Variants in TMEM131L observed in about 807,000 individuals in gnomAD.
TMEM131L encodes transmembrane 131 like.
In TMEM131L, 54 loss-of-function variants were observed where a neutral mutation model predicts 192.2. The observed-to-expected ratio is 0.28, with a 90% CI of 0.23 to 0.35. The LOEUF (loss-of-function observed/expected upper bound fraction) is 0.35. Ranked by LOEUF, TMEM131L falls within the 10% of genes least tolerant of loss-of-function variation. The pLI is 1.00. For missense variants in TMEM131L, 1,888 were observed against 1,972.9 expected, an observed-to-expected ratio of 0.96 and a Z score of 0.82; for synonymous variants, 701 against 704.9, an observed-to-expected ratio of 0.99 and a Z score of 0.09.
rs1184807852 is a variant in TMEM131L, at chr4:153,558,387, CT to C, written c.660+22del. On this transcript the variant is annotated intron_variant, in intron 7 of 34. Coordinates refer to ENST00000409959, the MANE Select transcript of TMEM131L (RefSeq NM_001131007.2). ...AATGCAGGTCATTTTAATAGATTTA[CT>C]TTGAATGCTGGTGGCCACCAAACTT... 1 of 1,448,812 alleles carries C rather than the reference CT, an allele frequency of 6.9e-7. No homozygotes were observed. Among genetic ancestry groups the C allele is most frequent in the Non-Finnish European group, 9.6e-7 (1 of 1,037,738 alleles). 89.7% of individuals were successfully genotyped at this position (1,448,812 alleles called of 1,614,324 possible).
At chr4:153,492,673 G>A (rs1257276013) in intron 3 of TMEM131L, among the ~76,000 whole-genome samples, 3 of 152,228 alleles carry the variant, frequency 2.0e-5, no homozygotes, top group Non-Finnish European at 4.4e-5. Flanking sequence ...TGCTCTGAAG[G>A]AATGTATATA....
chr4:153,520,993 T>C (rs1347086443), intron 3 of TMEM131L, among the ~76,000 whole-genome samples: 1 of 152,190 alleles, frequency 6.6e-6, no homozygotes, highest in African/African-American at 2.4e-5. Flanking sequence ...TGAAGTGACT[T>C]GCAGTCCTCC....
chr4:153,604,465 G>T (rs750674916), intron 25 of TMEM131L, 35 bp downstream of exon 25: 12 of 1,546,476 alleles, frequency 7.8e-6, no homozygotes, highest in African/African-American at 1.4e-5. Context: ...ATTCTCTCCT[G>T]TTTGTACCCA....
At chr4:153,573,193 G>A (rs540305240) in intron 7 of TMEM131L, among the ~76,000 whole-genome samples, 20 of 152,206 alleles carry the variant, frequency 1.3e-4, no homozygotes, top group Non-Finnish European at 2.9e-4. Context: ...GCCTAGAAAT[G>A]GAATTGGTAA....
chr4:153,572,582 C>T (rs527402696), intron 7 of TMEM131L, among the ~76,000 whole-genome samples: 3 of 152,282 alleles, frequency 2.0e-5, no homozygotes, highest in African/African-American at 7.2e-5. Context: ...CCACCTGCCT[C>T]AGCCTCCCAA....
In TMEM131L at chr4:153,491,700, G is replaced by A. The variant is rs562706743; in HGVS notation, c.239+17812G>A. Among the ~76,000 whole-genome samples, 23 of 151,742 alleles carry A rather than the reference G, an allele frequency of 1.5e-4. No individual in the cohort carries two copies. The South Asian group carries it at 4.4e-3, about 29-fold the overall frequency. ...TTAGTAGTACTTTTTTAGAGTGTGGGTTTTTTCTTTTCTTTTCTGTTTTTG... is the reference window on the plus strand; with the variant it reads ...TTAGTAGTACTTTTTTAGAGTGTGGATTTTTTCTTTTCTTTTCTGTTTTTG... On this transcript the variant is annotated intron_variant, in intron 3 of 34. Transcript: ENST00000409959.
chr4:153,487,508 CA>C (rs1329893031), intron 3 of TMEM131L, among the ~76,000 whole-genome samples: 1 of 152,004 alleles, frequency 6.6e-6, no homozygotes, highest in Non-Finnish European at 1.5e-5. Flanking sequence ...GGTCAGCTTC[CA>C]GGGGAGGACT....
At chr4:153,515,144 G>T (rs1200031569) in intron 3 of TMEM131L, among the ~76,000 whole-genome samples, 12 of 152,172 alleles carry the variant, frequency 7.9e-5, no homozygotes, top group African/African-American at 7.2e-5. Flanking sequence ...CAATTCAGTG[G>T]TTTTTAATAT....
chr4:153,557,203 A>G, intron 6 of TMEM131L, 121 bp downstream of exon 6: 1 of 647,472 alleles, frequency 1.5e-6, no homozygotes. Flanking sequence ...TTAAAATACA[A>G]GACTGTTAGT....
intron 7 of TMEM131L, among the ~76,000 whole-genome samples, chr4:153,563,007 T>C (rs570578434): frequency 3.3e-5 from 5 of 152,376 alleles, no homozygotes; most frequent in African/African-American, 1.2e-4. Context: ...ATTATATGTT[T>C]GGGTCTGCCT....
At chr4:153,615,225 C>T (rs1732895815) in intron 26 of TMEM131L, among the ~76,000 whole-genome samples, 4 of 152,186 alleles carry the variant, frequency 2.6e-5, no homozygotes, top group Admixed American at 2.6e-4. Context: ...TTGAGAATTA[C>T]CTTAGAATGG....
At chr4:153,628,866 G>A (rs1428803017) in intron 31 of TMEM131L, among the ~76,000 whole-genome samples, 2 of 152,174 alleles carry the variant, frequency 1.3e-5, no homozygotes, top group Non-Finnish European at 2.9e-5. Flanking sequence ...GTTTGTGTGT[G>A]TACTTCAAGT....
At chr4:153,632,892 G>A in intron 32 of TMEM131L, 54 bp downstream of exon 32, 1 of 1,596,512 alleles carries the variant, frequency 6.3e-7, no homozygotes, top group African/African-American at 1.3e-5. Context: ...GCTTGCAGTT[G>A]GAATTTGAGT....
In TMEM131L at chr4:153,587,176, A is replaced by T. The variant is rs1730756551; in HGVS notation, c.1483-566A>T. On this transcript the variant is annotated intron_variant, in intron 14 of 34. Coordinates refer to ENST00000409959, the MANE Select transcript of TMEM131L (RefSeq NM_001131007.2). ...TTTGAGCAGGGGTGGTTTCTTAGAA[A>T]TTTTTTTTCTATTCAAGAGATGCAT... Among the ~76,000 whole-genome samples, 3 of 151,928 alleles carry T rather than the reference A, an allele frequency of 2.0e-5. No individual in the cohort carries two copies. The South Asian group carries it at 6.2e-4, about 32-fold the overall frequency.
In TMEM131L at chr4:153,627,626, A is replaced by G; in HGVS notation, c.4146A>G (p.Gln1382=). The G allele has an allele frequency of 6.2e-7, 1 of 1,613,970 alleles. No homozygotes were observed. The highest frequency in any genetic ancestry group is 8.5e-7 in the Non-Finnish European group (1 of 1,179,906). Residue 1382 remains glutamine (Q), a synonymous_variant, in exon 31 of 35, where the codon CAA becomes CAG. Coordinates refer to ENST00000409959, the MANE Select transcript of TMEM131L (RefSeq NM_001131007.2). ...ACAGGACCGTGAATAGTCTCCCACA[A>G]TACGCAGAGCCTTCCTGTCCCAGCC... ...CNPMTVNSLP[Q]YAEPSCPSLP...
At chr4:153,602,467 G>A (rs1731909047) in intron 22 of TMEM131L, 75 bp from the exon 23 acceptor site, 1 of 1,534,298 alleles carries the variant, frequency 6.5e-7, no homozygotes, top group Non-Finnish European at 9.0e-7. Context: ...GGAGTATGAT[G>A]TGTTGTCATT....
At chr4:153,629,954 C>T (rs1384276736) in intron 31 of TMEM131L, among the ~76,000 whole-genome samples, 1 of 152,212 alleles carries the variant, frequency 6.6e-6, no homozygotes, top group Admixed American at 6.5e-5. Flanking sequence ...AATGTATATG[C>T]AGGAGACATT....
chr4:153,567,532 T>TC lies in TMEM131L; in HGVS notation c.660+9164_660+9165insC, dbSNP rs1729303146. Among the ~76,000 whole-genome samples the TC allele has an allele frequency of 2.7e-5, 4 of 146,952 alleles. No individual in the cohort carries two copies. The South Asian group carries it at 8.3e-4, about 31-fold the overall frequency. On this transcript the variant is annotated intron_variant, in intron 7 of 34. Coordinates refer to ENST00000409959, the MANE Select transcript of TMEM131L (RefSeq NM_001131007.2). ...TAAGTGAAGCAAGAAAGCTAGATTT[T>TC]TTTTTTCCCCCAGGCTTTTTTTTTT...
intron 3 of TMEM131L, among the ~76,000 whole-genome samples, chr4:153,482,391 G>C (rs115072519): frequency 2.0e-5 from 3 of 151,924 alleles, no homozygotes; most frequent in Non-Finnish European, 4.4e-5. Context: ...TTTTAAACAG[G>C]GTTCTTGGTA....
Sources: gnomAD v4.1 joint callset for allele counts (sites outside exome capture counted in the v4.1 genomes callset) on GRCh38, gnomAD v4.1.1 for gene constraint, MANE v1.5 for transcripts, NCBI Gene and HGNC (gene_info 2026-07-23, HGNC 2026-07-21) for gene names.